PRDM16: variants seen among roughly 807,000 people sequenced by gnomAD.
The protein encoded by PRDM16 is histone-lysine N-methyltransferase PRDM16.
In PRDM16, 23 loss-of-function variants were observed where a neutral mutation model predicts 110.6. The observed-to-expected ratio is 0.21, with a 90% CI of 0.15 to 0.29. PRDM16 has a LOEUF of 0.29. Ranked by LOEUF, PRDM16 falls within the 10% of genes least tolerant of loss-of-function variation. The pLI is 1.00. For missense variants in PRDM16, 1,615 were observed against 1,794.3 expected (o/e 0.90, Z 1.81); for synonymous variants, 799 against 781.8 (o/e 1.02, Z -0.37).
In PRDM16 at chr1:3,265,467, C is replaced by T. The variant is rs1337826098; in HGVS notation, c.438+21330C>T. 6.6e-6 allele frequency among the ~76,000 whole-genome samples: 1 copy of T among 151,916 alleles called. No homozygotes were observed. Among genetic ancestry groups the T allele is most frequent in the Non-Finnish European group, 1.5e-5 (1 of 67,962 alleles). On this transcript the variant is annotated intron_variant, in intron 3 of 16. Coordinates refer to ENST00000270722, the MANE Select transcript of PRDM16 (RefSeq NM_022114.4). The surrounding 1 kb of genome is among the most constrained non-coding windows in gnomAD (Gnocchi z 4.5). ...GGGTTGGGGAGGGACTTGGAGGCTT[C>T]CCGGTGGGAAGGTGAGTTGCCCTGC... is the stretch of plus-strand genomic sequence containing the variant.
intron 2 of PRDM16, among the ~76,000 whole-genome samples, chr1:3,189,067 T>C (rs898472936): frequency 1.3e-5 from 2 of 152,192 alleles, no homozygotes; most frequent in African/African-American, 4.8e-5. Flanking sequence ...GAGAAGTGAC[T>C]TGCGGGTGAC....
Position 3,080,130 on chromosome 1 carries a change from G to A in PRDM16, c.37+10834G>A, listed in dbSNP as rs1641989865. Reference sequence around the variant, plus strand: ...GAAGAAACAAAGAGGAAACGAGGCTGTTTAGATAATCCCGGGCCCTGGTGC... The same window carrying A: ...GAAGAAACAAAGAGGAAACGAGGCTATTTAGATAATCCCGGGCCCTGGTGC... On this transcript the variant is annotated intron_variant, in intron 1 of 16. Transcript: ENST00000270722. The surrounding 1 kb of genome is among the most constrained non-coding windows in gnomAD (Gnocchi z 5.2). 6.6e-6 allele frequency among the ~76,000 whole-genome samples: 1 copy of A among 152,250 alleles called. No individual in the cohort carries two copies. The highest frequency in any genetic ancestry group is 2.1e-4 in the South Asian group (1 of 4,832).
At chr1:3,298,167 C>A (rs545638388) in intron 3 of PRDM16, among the ~76,000 whole-genome samples, 1 of 152,260 alleles carries the variant, frequency 6.6e-6, no homozygotes, top group African/African-American at 2.4e-5. Flanking sequence ...CAGCATCTTC[C>A]ACTCCTTAAA....
chr1:3,253,697 G>C (rs1293829222), intron 3 of PRDM16, among the ~76,000 whole-genome samples: 2 of 152,174 alleles, frequency 1.3e-5, no homozygotes, highest in Admixed American at 6.5e-5. Context: ...ATGGTAGCAT[G>C]ATTTATAGTC....
chr1:3,129,156 G>C (rs2100679052), intron 1 of PRDM16, among the ~76,000 whole-genome samples: 1 of 147,992 alleles, frequency 6.8e-6, no homozygotes, highest in East Asian at 2.0e-4. Context: ...TGGCGTGCGT[G>C]TGTGGGTGGG....
intron 3 of PRDM16, among the ~76,000 whole-genome samples, chr1:3,369,745 C>T (rs1218325623): frequency 1.3e-5 from 2 of 152,244 alleles, no homozygotes; most frequent in Non-Finnish European, 2.9e-5. Context: ...TGCACGCATA[C>T]CTGGGCCTAG....
rs1643869628 is a variant in PRDM16 at position 3,157,655 on chromosome 1, A to C, written c.38-28470A>C. ...GGACAGTATGGTGGGGCCTGAACAGACTTCCCCAGAAAGTTCCCAGATTCG... is the reference window on the plus strand; with the variant it reads ...GGACAGTATGGTGGGGCCTGAACAGCCTTCCCCAGAAAGTTCCCAGATTCG... On this transcript the variant is annotated intron_variant, in intron 1 of 16. Coordinates refer to ENST00000270722, the MANE Select transcript of PRDM16 (RefSeq NM_022114.4). This position sits in a 1 kb window ranked among gnomAD's most constrained non-coding sequence, Gnocchi z 4.8. 6.6e-6 allele frequency among the ~76,000 whole-genome samples: 1 copy of C among 152,136 alleles called. No individual in the cohort carries two copies. The highest frequency in any genetic ancestry group is 2.4e-5 in the African/African-American group (1 of 41,428).
intron 1 of PRDM16, among the ~76,000 whole-genome samples, chr1:3,164,936 T>C (rs1273031614): frequency 6.6e-6 from 1 of 152,130 alleles, no homozygotes; most frequent in East Asian, 1.9e-4. Context: ...TCCCCAGAGG[T>C]GCAAGCCCTG....
chr1:3,394,428 G>A, intron 4 of PRDM16: 2 of 449,952 alleles, frequency 4.4e-6, no homozygotes, highest in Admixed American at 2.4e-5. Flanking sequence ...GAGAAGCAGG[G>A]AGTGCGGGAG....
At chr1:3,229,073 C>T (rs181471510) in intron 2 of PRDM16, among the ~76,000 whole-genome samples, 1 of 152,358 alleles carries the variant, frequency 6.6e-6, no homozygotes, top group East Asian at 1.9e-4. Flanking sequence ...CGGGAAGGTG[C>T]CCGTTTCTAA....
rs1570021926 is a variant in PRDM16, at chr1:3,299,971, G to A, written c.438+55834G>A. ...TTGTTGAAGATGCTATGCTGTGGCCGTGATGTTTCAGATCCCAGTCATGGT... is the reference window on the plus strand; with the variant it reads ...TTGTTGAAGATGCTATGCTGTGGCCATGATGTTTCAGATCCCAGTCATGGT... On this transcript the variant is annotated intron_variant, in intron 3 of 16. Transcript: ENST00000270722. Among the ~76,000 whole-genome samples the A allele has an allele frequency of 2.1e-5, 2 of 95,800 alleles. 1 individual carries two copies. Among genetic ancestry groups the A allele is most frequent in the Non-Finnish European group, 4.7e-5 (2 of 42,202 alleles). 62.8% of individuals were successfully genotyped at this position (95,800 alleles called of 152,430 possible). A position where few individuals can be genotyped will look rare whatever the true frequency, so the allele number is the denominator to read the frequency against.
At chr1:3,276,463 G>C (rs1313683435) in intron 3 of PRDM16, among the ~76,000 whole-genome samples, 1 of 152,242 alleles carries the variant, frequency 6.6e-6, no homozygotes, top group African/African-American at 2.4e-5. Flanking sequence ...TCTGCTGTGG[G>C]AGCCTCTCAT....
intron 1 of PRDM16, among the ~76,000 whole-genome samples, chr1:3,149,863 G>A (rs757762551): frequency 5.9e-5 from 9 of 152,230 alleles, no homozygotes; most frequent in East Asian, 1.9e-4. Context: ...CCAGGGACAC[G>A]GGTTTTCTGA....
At chr1:3,185,978 G>A (rs796398636) in intron 1 of PRDM16, 147 bp from the exon 2 acceptor site, 105 of 651,524 alleles carry the variant, frequency 1.6e-4, no homozygotes, top group African/African-American at 2.4e-4. Flanking sequence ...TGGAGGCAGC[G>A]TCTCCCGGGC....
intron 1 of PRDM16, among the ~76,000 whole-genome samples, chr1:3,165,599 A>G (rs1476353074): frequency 8.0e-6 from 1 of 124,510 alleles, no homozygotes; most frequent in African/African-American, 3.5e-5. Context: ...GCCCAGGGAC[A>G]GGGACTCACC....
At chr1:3,373,428 T>C (rs1328031523) in intron 3 of PRDM16, among the ~76,000 whole-genome samples, 5 of 151,932 alleles carry the variant, frequency 3.3e-5, no homozygotes, top group Admixed American at 2.6e-4. Flanking sequence ...AGCCAGGGGG[T>C]TCGGGGGGAA....
At chr1:3,411,254 A>G in intron 8 of PRDM16, 130 bp from the exon 9 acceptor site, 1 of 900,106 alleles carries the variant, frequency 1.1e-6, no homozygotes, top group South Asian at 1.7e-5. Flanking sequence ...ACATGCACCC[A>G]GACAGACTGC....
intron 2 of PRDM16, among the ~76,000 whole-genome samples, chr1:3,198,381 C>T (rs555769242): frequency 1.3e-5 from 2 of 152,342 alleles, no homozygotes; most frequent in East Asian, 3.9e-4. Context: ...CCTTTCCTGT[C>T]GTTTGGGACA....
At chr1:3,188,926 C>T (rs1251523371) in intron 2 of PRDM16, among the ~76,000 whole-genome samples, 2 of 152,218 alleles carry the variant, frequency 1.3e-5, no homozygotes, top group African/African-American at 4.8e-5. Context: ...CCAGCCACCT[C>T]AGTTGGGGCC....
Sources: allele counts gnomAD v4.1 joint callset (sites outside exome capture counted in the v4.1 genomes callset), GRCh38; gene constraint gnomAD v4.1.1; non-coding constraint Gnocchi (gnomAD v3.1); transcripts MANE v1.5; gene names NCBI Gene and HGNC (gene_info 2026-07-23, HGNC 2026-07-21).